Variants in PPM1H observed in about 807,000 individuals in gnomAD.
The protein encoded by PPM1H is protein phosphatase, Mg2+/Mn2+ dependent 1H.
A neutral mutation model predicts 54.9 loss-of-function variants in PPM1H; 27 were observed. The observed-to-expected ratio is 0.49, with a 90% CI of 0.36 to 0.68. PPM1H has a LOEUF of 0.68. Among genes scored for constraint, PPM1H ranks in the 30% least tolerant of loss-of-function variants. The pLI is 0.00. For missense variants in PPM1H, 596 were observed against 667.8 expected, an observed-to-expected ratio of 0.89 and a Z score of 1.19; for synonymous variants, 305 against 270.8, an observed-to-expected ratio of 1.13 and a Z score of -1.24.
At chr12:62,875,799 T>C (rs531670949) in intron 1 of PPM1H, among the ~76,000 whole-genome samples, 2 of 152,336 alleles carry the variant, frequency 1.3e-5, no homozygotes, top group African/African-American at 4.8e-5. Context: ...AACTTGGAAA[T>C]TTTATTACTG....
At chr12:62,911,070 C>T (rs1592667318) in intron 1 of PPM1H, among the ~76,000 whole-genome samples, 1 of 152,164 alleles carries the variant, frequency 6.6e-6, no homozygotes, top group South Asian at 2.1e-4. Flanking sequence ...CTACCTACTT[C>T]CCAAGGCCTA....
At chr12:62,722,647 C>A (rs111460598) in intron 5 of PPM1H, among the ~76,000 whole-genome samples, 4 of 152,210 alleles carry the variant, frequency 2.6e-5, no homozygotes, top group African/African-American at 9.6e-5. Flanking sequence ...CACACAGAGC[C>A]ACACACAGTA....
At chr12:62,874,581 T>C (rs1870097786) in intron 1 of PPM1H, among the ~76,000 whole-genome samples, 1 of 152,086 alleles carries the variant, frequency 6.6e-6, no homozygotes, top group African/African-American at 2.4e-5. Flanking sequence ...TGCAACAACC[T>C]TCCTAAGCTA....
chr12:62,897,807 G>A (rs926124439), intron 1 of PPM1H, among the ~76,000 whole-genome samples: 2 of 152,132 alleles, frequency 1.3e-5, no homozygotes, highest in African/African-American at 4.8e-5. Context: ...TAAACCAAGA[G>A]AGCAGTGAAT....
At chr12:62,711,305 T>C (rs1016008255) in intron 6 of PPM1H, among the ~76,000 whole-genome samples, 9 of 152,208 alleles carry the variant, frequency 5.9e-5, no homozygotes, top group African/African-American at 1.7e-4. Flanking sequence ...AGTACCATTA[T>C]TAGCTTCATT....
intron 9 of PPM1H, among the ~76,000 whole-genome samples, chr12:62,662,431 CGAG>C (rs1043860938): frequency 2.2e-4 from 33 of 152,268 alleles, no homozygotes; most frequent in Admixed American, 7.2e-4. Context: ...TCAGACAATT[CGAG>C]GAGGAGACAG....
intron 1 of PPM1H, among the ~76,000 whole-genome samples, chr12:62,847,003 G>C (rs1489835593): frequency 6.6e-6 from 1 of 152,106 alleles, no homozygotes; most frequent in Non-Finnish European, 1.5e-5. Flanking sequence ...CTTTCTCCTA[G>C]ACATCATCTT....
At chr12:62,868,263 C>A (rs1869853879) in intron 1 of PPM1H, among the ~76,000 whole-genome samples, 1 of 152,232 alleles carries the variant, frequency 6.6e-6, no homozygotes, top group African/African-American at 2.4e-5. Flanking sequence ...TTAATAGCAT[C>A]TGGAAATTAA....
intron 4 of PPM1H, among the ~76,000 whole-genome samples, chr12:62,758,433 T>C (rs916509271): frequency 9.9e-5 from 15 of 152,238 alleles, no homozygotes; most frequent in Non-Finnish European, 1.8e-4. Flanking sequence ...TTTGTGTGTT[T>C]ATTTGTAGTT....
At chr12:62,668,011 G>A (rs535576570) in intron 8 of PPM1H, among the ~76,000 whole-genome samples, 98 of 152,182 alleles carry the variant, frequency 6.4e-4, no homozygotes, top group African/African-American at 2.1e-3. Flanking sequence ...GAAGATACAC[G>A]CTCACTCTGA....
chr12:62,866,232 G>A (rs1402706662), intron 1 of PPM1H, among the ~76,000 whole-genome samples: 2 of 152,084 alleles, frequency 1.3e-5, no homozygotes, highest in African/African-American at 4.8e-5. Flanking sequence ...TATCCCACTG[G>A]GAGGTAAAGA....
chr12:62,896,604 G>A (rs11174711), intron 1 of PPM1H, among the ~76,000 whole-genome samples: 1,576 of 152,266 alleles, frequency 0.01, 32 homozygotes, highest in African/African-American at 0.036. Flanking sequence ...GAAACAACAG[G>A]TGCTGGAAAG....
At chr12:62,666,583 T>C (rs1314603448) in intron 9 of PPM1H, among the ~76,000 whole-genome samples, 1 of 152,222 alleles carries the variant, frequency 6.6e-6, no homozygotes, top group Admixed American at 6.5e-5. Flanking sequence ...ATTTCTACTT[T>C]AGAGGATAGC....
chr12:62,785,092 AT>A (rs917976593), intron 4 of PPM1H, among the ~76,000 whole-genome samples: 47 of 151,734 alleles, frequency 3.1e-4, no homozygotes, highest in African/African-American at 8.9e-4. Flanking sequence ...TGCTTTTTTG[AT>A]TTTTTTTTAA....
At chr12:62,834,250 T>C (rs1868433902) in intron 1 of PPM1H, among the ~76,000 whole-genome samples, 1 of 152,020 alleles carries the variant, frequency 6.6e-6, no homozygotes, top group Non-Finnish European at 1.5e-5. Context: ...TCAATGTCTA[T>C]TTTCTTGTCC....
intron 2 of PPM1H, among the ~76,000 whole-genome samples, chr12:62,830,619 C>A (rs552629255): frequency 6.6e-6 from 1 of 152,152 alleles, no homozygotes; most frequent in Non-Finnish European, 1.5e-5. Flanking sequence ...AATTAAGTAG[C>A]TAAAGTGGTA....
intron 9 of PPM1H, among the ~76,000 whole-genome samples, chr12:62,664,553 T>C (rs1012509398): frequency 6.6e-6 from 1 of 152,230 alleles, no homozygotes; most frequent in African/African-American, 2.4e-5. Context: ...GCATGTGAGC[T>C]AACACCCCTC....
rs78152759 is a variant in PPM1H, at chr12:62,917,754, C to T, written c.245+16738G>A. Among the ~76,000 whole-genome samples the T allele has an allele frequency of 4.2e-3, 635 of 151,646 alleles. 6 individuals carry two copies. Among genetic ancestry groups the T allele is most frequent in the African/African-American group, 0.015 (607 of 41,306 alleles). ...ATTTTTTGATTTTTTTTTCTGGAGA[C>T]GATATTATAACCTGTGCTTGGTGCT... On this transcript the variant is annotated intron_variant, in intron 1 of 9. Transcript: ENST00000228705.
chr12:62,680,484 G>C lies in PPM1H; in HGVS notation c.1245+9215C>G, dbSNP rs2076013512. Among the ~76,000 whole-genome samples the C allele has an allele frequency of 2.0e-5, 3 of 152,046 alleles. No individual in the cohort carries two copies. The South Asian group carries it at 6.2e-4, about 32-fold the overall frequency. On this transcript the variant is annotated intron_variant, in intron 8 of 9. Coordinates refer to ENST00000228705, the MANE Select transcript of PPM1H (RefSeq NM_020700.2). ...GCTACGTGCCACCATGCCTATCTGGGATTCTTAAACCACCCACTCTTAGAA... is the reference window on the plus strand; with the variant it reads ...GCTACGTGCCACCATGCCTATCTGGCATTCTTAAACCACCCACTCTTAGAA...
Sources: gnomAD v4.1 joint callset for allele counts (sites outside exome capture counted in the v4.1 genomes callset) on GRCh38, gnomAD v4.1.1 for gene constraint, MANE v1.5 for transcripts, NCBI Gene and HGNC (gene_info 2026-07-23, HGNC 2026-07-21) for gene names.